BCL2L14: variants seen among roughly 807,000 people sequenced by gnomAD.
BCL2L14 encodes the protein apoptosis facilitator Bcl-2-like protein 14.
A neutral mutation model predicts 35.3 loss-of-function variants in BCL2L14; 27 were observed. That is an observed-to-expected ratio of 0.76 (90% CI 0.56 to 1.05). BCL2L14 has a LOEUF of 1.05. Among genes scored for constraint, BCL2L14 ranks in the 50% least tolerant of loss-of-function variants. The probability of loss-of-function intolerance (pLI) is 0.00; values close to 1 mark genes in which losing one functional copy is unlikely to be tolerated. For missense variants in BCL2L14, 377 were observed against 382.6 expected (o/e 0.99, Z 0.12); for synonymous variants, 139 against 145.9 (o/e 0.95, Z 0.34).
At chr12:12,087,167 T>A (rs1323152612) in intron 2 of BCL2L14, 46 bp from the exon 3 acceptor site, 5 of 1,594,724 alleles carry the variant, frequency 3.1e-6, no homozygotes, top group Middle Eastern at 1.7e-4. Context: ...ATGAGCCAGA[T>A]GAAGTTCTGG....
upstream of BCL2L14, among the ~76,000 whole-genome samples, chr12:12,070,537 C>T (rs989421030): frequency 2.6e-5 from 4 of 152,150 alleles, no homozygotes; most frequent in African/African-American, 9.6e-5. Flanking sequence ...ATTAGCCAGG[C>T]GTGCTGGTGC....
chr12:12,089,998 T>C (rs767428294), intron 3 of BCL2L14, among the ~76,000 whole-genome samples: 68 of 152,318 alleles, frequency 4.5e-4, no homozygotes, highest in East Asian at 1.3e-3. Flanking sequence ...GGCCACAAAT[T>C]TGGCTCTATA....
intron 2 of BCL2L14, among the ~76,000 whole-genome samples, chr12:12,065,538 A>G (rs1308693812): frequency 6.8e-5 from 10 of 147,494 alleles, no homozygotes; most frequent in Admixed American, 1.4e-4. Context: ...TCCATCTCAA[A>G]AAAAAAAAAA....
rs186696253 is a variant in BCL2L14, at chr12:12,079,629, G to A, written c.324G>A (p.Thr108=). 3.1e-5 allele frequency: 50 copies of A among 1,614,174 alleles called. No homozygotes were observed. The highest frequency in any genetic ancestry group is 4.5e-5 in the East Asian group (2 of 44,884). The change falls in exon 2 of 6, where the codon ACG becomes ACA. Residue 108 remains threonine (T), a synonymous_variant. Transcript: ENST00000308721. ...TGGAGAAGGAAGATTCGCAGAGCAC[G>A]CCTGCCAAGGTCTCTGCTCAGGGTC... ...GVVEKEDSQS[T]PAKVSAQGQR... is the part of the protein sequence containing the mutation.
chr12:12,057,712 G>A (rs113721183), intron 2 of BCL2L14, among the ~76,000 whole-genome samples: 40 of 145,406 alleles, frequency 2.8e-4, no homozygotes, highest in Admixed American at 1.1e-3. Context: ...AGCCGAGATC[G>A]CACCACTGCA....
chr12:12,093,655 T>A (rs957793893), intron 4 of BCL2L14, among the ~76,000 whole-genome samples: 1 of 151,532 alleles, frequency 6.6e-6, no homozygotes, highest in African/African-American at 2.4e-5. Context: ...TAGCCGGGTG[T>A]GGTGGTGTGT....
chr12:12,069,663 G>A (rs1178759878), upstream of BCL2L14, among the ~76,000 whole-genome samples: 3 of 146,312 alleles, frequency 2.1e-5, no homozygotes, highest in South Asian at 2.1e-4. Context: ...AGCCAAGATC[G>A]CACCACTGCA....
intron 1 of BCL2L14, among the ~76,000 whole-genome samples, chr12:12,050,689 C>A (rs527729354): frequency 2.7e-5 from 4 of 150,508 alleles, no homozygotes; most frequent in South Asian, 2.1e-4. Flanking sequence ...AGTCTAAGAG[C>A]CTATTTACAG....
intron 4 of BCL2L14, 180 bp from the exon 5 acceptor site, chr12:12,094,484 C>A (rs1949266014): frequency 6.4e-7 from 1 of 1,562,646 alleles, no homozygotes; most frequent in South Asian, 1.1e-5. Context: ...ATTCACCGAG[C>A]AGTACATGCC....
chr12:12,076,942 C>T (rs1256060068), intron 1 of BCL2L14, among the ~76,000 whole-genome samples: 2 of 152,154 alleles, frequency 1.3e-5, no homozygotes, highest in African/African-American at 2.4e-5. Context: ...AAAAAGGTGG[C>T]GTGACTTGCC....
rs568002817 is a variant in BCL2L14, at chr12:12,098,360, A to C, written c.946-590A>C. ...TCTCATCTTCCCAACTAAACTGCAA[A>C]TCTGTAAGGGTGAGATCATGTTTTT... is the stretch of plus-strand genomic sequence containing the variant. On this transcript the variant is annotated intron_variant, in intron 5 of 5. Transcript: ENST00000308721. Among the ~76,000 whole-genome samples, 37 of 152,302 alleles carry C rather than the reference A, an allele frequency of 2.4e-4. No individual in the cohort carries two copies. In the South Asian group the frequency reaches 4.4e-3, roughly 18 times the overall value.
At chr12:12,095,019 A>C in intron 5 of BCL2L14, 89 bp downstream of exon 5, 1 of 1,496,902 alleles carries the variant, frequency 6.7e-7, no homozygotes, top group Non-Finnish European at 8.8e-7. Flanking sequence ...AAGGGAACAC[A>C]TCTATGAAGC....
rs1318855460 is a variant in BCL2L14 at position 12,095,115 on chromosome 12, A to G, written c.945+185A>G. On this transcript the variant is annotated intron_variant, in intron 5 of 5. Coordinates refer to ENST00000308721, the MANE Select transcript of BCL2L14 (RefSeq NM_138723.2). ...TTTTTAGTGATTATCTTCATCATCA[A>G]TAAATATTTACTGAGCTCTCCAAGG... 46 of 985,028 alleles carry G rather than the reference A, an allele frequency of 4.7e-5. No homozygotes were observed. The South Asian group carries it at 6.1e-4, about 13-fold the overall frequency. 61.0% of individuals were successfully genotyped at this position (985,028 alleles called of 1,614,324 possible). A position where few individuals can be genotyped will look rare whatever the true frequency, so the allele number is the denominator to read the frequency against.
intron 4 of BCL2L14, among the ~76,000 whole-genome samples, chr12:12,091,980 G>A (rs1949198611): frequency 6.6e-6 from 1 of 152,168 alleles, no homozygotes; most frequent in South Asian, 2.1e-4. Context: ...AGAGTCAACG[G>A]GTGCCTTGTG....
intron 3 of BCL2L14, among the ~76,000 whole-genome samples, 155 bp from the exon 4 acceptor site, chr12:12,090,624 A>T (rs1006567043): frequency 1.0e-4 from 15 of 150,032 alleles, no homozygotes; most frequent in African/African-American, 3.5e-4. Flanking sequence ...CAAGAGCAAA[A>T]CTCTGTCTAA....
At chr12:12,075,495 G>A (rs1334180219) in intron 1 of BCL2L14, among the ~76,000 whole-genome samples, 5 of 150,988 alleles carry the variant, frequency 3.3e-5, no homozygotes, top group East Asian at 2.0e-4. Flanking sequence ...GCGTGATCTC[G>A]GCTCACTGCA....
intron 1 of BCL2L14, among the ~76,000 whole-genome samples, chr12:12,074,670 C>T (rs1024396235): frequency 2.0e-5 from 3 of 152,116 alleles, no homozygotes; most frequent in Non-Finnish European, 2.9e-5. Flanking sequence ...AACTCCTGAC[C>T]TCAAGTGATC....
At chr12:12,070,383 T>C (rs1474841594), upstream of BCL2L14, among the ~76,000 whole-genome samples, 1 of 152,134 alleles carries the variant, frequency 6.6e-6, no homozygotes, top group Admixed American at 6.5e-5. Flanking sequence ...CCTCTCAATG[T>C]TGTTAAGATT....
chr12:12,081,551 ATT>A (rs35006788), intron 2 of BCL2L14, among the ~76,000 whole-genome samples: 32 of 140,526 alleles, frequency 2.3e-4, no homozygotes, highest in African/African-American at 6.6e-4. Context: ...CAAAGCCCAG[ATT>A]TTTTTTTTTT....
Sources: allele counts gnomAD v4.1 joint callset (sites outside exome capture counted in the v4.1 genomes callset), GRCh38; gene constraint gnomAD v4.1.1; transcripts MANE v1.5; gene names NCBI Gene and HGNC (gene_info 2026-07-23, HGNC 2026-07-21).